Variants in GNG12 observed in about 807,000 individuals in gnomAD.
GNG12 encodes G protein subunit gamma 12.
For synonymous variants in GNG12, 28 were observed against 29.7 expected (o/e 0.94, Z 0.19); for missense variants, 69 against 83.8 (o/e 0.82, Z 0.69).
intron 1 of GNG12, among the ~76,000 whole-genome samples, chr1:67,831,668 T>C (rs1354939650): frequency 6.6e-6 from 1 of 152,228 alleles, no homozygotes; most frequent in Non-Finnish European, 1.5e-5. Context: ...GAACATTTTA[T>C]CTGAAAGTCC....
chr1:67,742,803 A>G (rs1314765008), intron 2 of GNG12, among the ~76,000 whole-genome samples: 1 of 152,092 alleles, frequency 6.6e-6, no homozygotes, highest in Non-Finnish European at 1.5e-5. Context: ...GTATATGGGC[A>G]TACATTTATT....
intron 1 of GNG12, among the ~76,000 whole-genome samples, chr1:67,795,436 T>C (rs141073521): frequency 3.9e-5 from 6 of 152,336 alleles, no homozygotes; most frequent in African/African-American, 1.4e-4. Context: ...CTTGCTTACC[T>C]GTGTTGAGTA....
chr1:67,812,228 T>C (rs898594093), intron 1 of GNG12, among the ~76,000 whole-genome samples: 4 of 151,828 alleles, frequency 2.6e-5, no homozygotes, highest in East Asian at 3.9e-4. Flanking sequence ...CTGCAGCTTA[T>C]TGGAAAAAAA....
intron 1 of GNG12, among the ~76,000 whole-genome samples, chr1:67,798,961 T>TATAA (rs34151514): frequency 0.21 from 32,059 of 150,692 alleles, 3,669 homozygotes; most frequent in South Asian, 0.3. Context: ...ACAAAAAAAA[T>TATAA]ATAAATAAAT....
intron 1 of GNG12, among the ~76,000 whole-genome samples, chr1:67,807,552 C>T (rs1646900750): frequency 6.7e-6 from 1 of 149,312 alleles, no homozygotes; most frequent in Non-Finnish European, 1.5e-5. Context: ...CTGACAAGGT[C>T]AATAAAATTG....
intron 1 of GNG12, among the ~76,000 whole-genome samples, chr1:67,797,929 G>T (rs915930012): frequency 6.6e-6 from 1 of 152,120 alleles, no homozygotes; most frequent in Non-Finnish European, 1.5e-5. Context: ...GGATGACCAC[G>T]GTGGTCTTGA....
intron 1 of GNG12, among the ~76,000 whole-genome samples, chr1:67,784,608 CAATT>C (rs1220208950): frequency 6.6e-6 from 1 of 151,836 alleles, no homozygotes. Context: ...CCTCGAAAAA[CAATT>C]AATTTTATAT....
chr1:67,723,028 C>T (rs1285394324), intron 2 of GNG12, among the ~76,000 whole-genome samples: 1 of 152,156 alleles, frequency 6.6e-6, no homozygotes, highest in Admixed American at 6.5e-5. Flanking sequence ...ACATAGAAAC[C>T]ACCCAGTGTT....
In GNG12 at chr1:67,703,625, T is replaced by C. The variant is rs1216197630; in HGVS notation, c.*1826A>G. 1.3e-5 allele frequency: 2 copies of C among 152,198 alleles called. No homozygotes were observed. Among genetic ancestry groups the C allele is most frequent in the East Asian group, 1.9e-4 (1 of 5,198 alleles). 9.4% of individuals were successfully genotyped at this position (152,198 alleles called of 1,614,324 possible). On this transcript the variant is annotated 3_prime_UTR_variant, in exon 4 of 4. Transcript: ENST00000370982. The stretch of plus-strand genomic sequence containing the variant: ...CTCTCTCCTAAACAGGTACCTATAA[T>C]TGATTTGGGAACTGGGCATATCGCA...
chr1:67,759,138 T>TC (rs993401550), intron 2 of GNG12, among the ~76,000 whole-genome samples: 1 of 152,138 alleles, frequency 6.6e-6, no homozygotes, highest in East Asian at 1.9e-4. Flanking sequence ...ACCACATGTA[T>TC]CCCCCAAATA....
chr1:67,727,045 G>A (rs1646390556), intron 2 of GNG12, among the ~76,000 whole-genome samples: 1 of 152,224 alleles, frequency 6.6e-6, no homozygotes, highest in Admixed American at 6.5e-5. Context: ...ATCTGCCTGT[G>A]CAGGTCAATT....
At position 67,798,440 on chromosome 1, in the gene GNG12, C is replaced by T. The variant is rs1442766187; in HGVS notation, c.-76-20933G>A. On this transcript the variant is annotated intron_variant, in intron 1 of 3. Coordinates refer to ENST00000370982, the MANE Select transcript of GNG12 (RefSeq NM_018841.6). The stretch of plus-strand genomic sequence containing the variant: ...TCCCTGGTGCCAAAAAGGTTGGGGA[C>T]CACTGCTGTATTGAAATATTTTTAG... Among the ~76,000 whole-genome samples, 3 of 152,084 alleles carry T rather than the reference C, an allele frequency of 2.0e-5. No homozygotes were observed. The East Asian group carries it at 5.8e-4, about 29-fold the overall frequency.
chr1:67,780,946 T>C lies in GNG12; in HGVS notation c.-76-3439A>G, dbSNP rs185830208. ...AAAATCTCCTTTGGCTGCCTGGACA[T>C]GGCTTGGATATTTCTACCCTGGAGT... is the stretch of plus-strand genomic sequence containing the variant. On this transcript the variant is annotated intron_variant, in intron 1 of 3. Transcript: ENST00000370982. 5.2e-5 allele frequency among the ~76,000 whole-genome samples: 8 copies of C among 152,386 alleles called. No individual in the cohort carries two copies. In the East Asian group the frequency reaches 1.2e-3, roughly 22 times the overall value.
At chr1:67,798,921 T>G (rs1646847671) in intron 1 of GNG12, among the ~76,000 whole-genome samples, 1 of 152,026 alleles carries the variant, frequency 6.6e-6, no homozygotes, top group Non-Finnish European at 1.5e-5. Context: ...GCCACTGCAC[T>G]CCAGCCTGGC....
At chr1:67,724,442 T>C (rs1474990670) in intron 2 of GNG12, among the ~76,000 whole-genome samples, 1 of 152,160 alleles carries the variant, frequency 6.6e-6, no homozygotes, top group Non-Finnish European at 1.5e-5. Context: ...CAGGCTGGAG[T>C]GCAGTGGCGT....
intron 2 of GNG12, among the ~76,000 whole-genome samples, chr1:67,754,832 C>A (rs932109930): frequency 2.0e-5 from 3 of 152,160 alleles, no homozygotes; most frequent in Non-Finnish European, 2.9e-5. Flanking sequence ...TTAATCACTC[C>A]TTGTGTAGCA....
In GNG12 at chr1:67,804,095, C is replaced by A. The variant is rs749338236; in HGVS notation, c.-76-26588G>T. ...AAAGGTTGTGGTCAAGAGATGAGGG[C>A]AGGGCCTCAGTAGAGAGCAGGAGGG... is the stretch of plus-strand genomic sequence containing the variant. On this transcript the variant is annotated intron_variant, in intron 1 of 3. Coordinates refer to ENST00000370982, the MANE Select transcript of GNG12 (RefSeq NM_018841.6). 1.4e-3 allele frequency among the ~76,000 whole-genome samples: 219 copies of A among 152,124 alleles called. 1 individual carries two copies. The highest frequency in any genetic ancestry group is 1.9e-3 in the Non-Finnish European group (126 of 68,022).
chr1:67,711,095 C>G (rs954669548), intron 2 of GNG12, among the ~76,000 whole-genome samples: 1 of 152,132 alleles, frequency 6.6e-6, no homozygotes, highest in Non-Finnish European at 1.5e-5. Flanking sequence ...CATGGATAGC[C>G]TCACCCAGAA....
chr1:67,830,155 G>A (rs921206608), intron 1 of GNG12, among the ~76,000 whole-genome samples: 2 of 152,100 alleles, frequency 1.3e-5, no homozygotes, highest in Non-Finnish European at 2.9e-5. Context: ...TCAGGCATGC[G>A]CCATCACGCC....
Sources: allele counts gnomAD v4.1 joint callset (sites outside exome capture counted in the v4.1 genomes callset), GRCh38; gene constraint gnomAD v4.1.1; transcripts MANE v1.5; gene names NCBI Gene and HGNC (gene_info 2026-07-23, HGNC 2026-07-21).